Variants in SIX1 observed in about 807,000 individuals in gnomAD.
SIX1 encodes homeobox protein SIX1.
In SIX1, 11 loss-of-function variants were observed where a neutral mutation model predicts 26.5. The observed-to-expected ratio is 0.41, with a 90% CI of 0.26 to 0.69. The LOEUF is 0.69. Ranked by LOEUF, SIX1 falls within the 30% of genes least tolerant of loss-of-function variation. SIX1 has a pLI of 0.28. For synonymous variants in SIX1, 177 were observed against 166.2 expected, an observed-to-expected ratio of 1.06 and a Z score of -0.50; for missense variants, 333 against 365.9, an observed-to-expected ratio of 0.91 and a Z score of 0.73.
chr14:60,645,742 A>G lies in SIX1; in HGVS notation c.*541T>C, dbSNP rs1389247170. On this transcript the variant is annotated 3_prime_UTR_variant, in exon 2 of 2. Transcript: ENST00000645694. This position sits in a 1 kb window ranked among gnomAD's most constrained non-coding sequence, Gnocchi z 4.6. ...TAAACTTAATTTTTCCTCATCAAAG[A>G]AAGTTATAGATTGTATTTTTCCTGT... 2 of 152,160 alleles carry G rather than the reference A, an allele frequency of 1.3e-5. No homozygotes were observed. Among genetic ancestry groups the G allele is most frequent in the Non-Finnish European group, 2.9e-5 (2 of 68,062 alleles). The allele number at this position is 152,160 out of a possible 1,614,324, so 9.4% of individuals were successfully genotyped here. A position where few individuals can be genotyped will look rare whatever the true frequency, so the allele number is the denominator to read the frequency against.
rs1425205566 is a variant in SIX1, at chr14:60,644,956, AT to A, written c.*1326del. On this transcript the variant is annotated 3_prime_UTR_variant, in exon 2 of 2. Coordinates refer to ENST00000645694, the MANE Select transcript of SIX1 (RefSeq NM_005982.4). ...TTTTTTGTCTTCAAGCAGATAAATT[AT>A]TTTTACTTTCACAGTCTTGTCATAA... The A allele has an allele frequency of 6.6e-6, 1 of 152,204 alleles. No homozygotes were observed. Among genetic ancestry groups the A allele is most frequent in the Non-Finnish European group, 1.5e-5 (1 of 68,028 alleles). The allele number at this position is 152,204 out of a possible 1,614,324, so 9.4% of individuals were successfully genotyped here.
Position 60,645,185 on chromosome 14 carries a change from A to G in SIX1, c.*1098T>C, listed in dbSNP as rs1261265515. Reference sequence around the variant, plus strand: ...CTGCAATTCACAGCCACCATTAAGTAAGAAAGAAAAATATATTTAAAAAAA... The same window carrying G: ...CTGCAATTCACAGCCACCATTAAGTGAGAAAGAAAAATATATTTAAAAAAA... On this transcript the variant is annotated 3_prime_UTR_variant, in exon 2 of 2. Transcript: ENST00000645694. This position sits in a 1 kb window ranked among gnomAD's most constrained non-coding sequence, Gnocchi z 4.6. 2 of 152,084 alleles carry G rather than the reference A, an allele frequency of 1.3e-5. No individual in the cohort carries two copies. The highest frequency in any genetic ancestry group is 2.9e-5 in the Non-Finnish European group (2 of 68,012). The allele number at this position is 152,084 out of a possible 1,614,324, so 9.4% of individuals were successfully genotyped here.
chr14:60,648,965 G>T lies in SIX1; in HGVS notation c.225C>A (p.Phe75Leu). The T allele has an allele frequency of 6.2e-7, 1 of 1,614,214 alleles. No individual in the cohort carries two copies. The highest frequency in any genetic ancestry group is 8.5e-7 in the Non-Finnish European group (1 of 1,180,026). ...GCAGTTTGGGGTGGTTGTGAGGCGA[G>T]AACTGGTGGCTCTCCAGGATCTTGT... ...ELYKILESHQ[F>L]SPHNHPKLQQ... The change falls in exon 1 of 2, where the codon TTC becomes TTA. Residue 75 changes from phenylalanine to leucine, a missense_variant. Physicochemically the swap from Phe to Leu is conservative, Grantham distance 22. Around this residue, in one of 3 missense-constraint regions of SIX1, gnomAD observed 133 missense variants for 131.8 expected, o/e 1.01. Coordinates refer to ENST00000645694, the MANE Select transcript of SIX1 (RefSeq NM_005982.4). The surrounding 1 kb of genome is among the most constrained non-coding windows in gnomAD (Gnocchi z 7.9).
chr14:60,648,974 G>T lies in SIX1; in HGVS notation c.216C>A (p.Ser72Arg), dbSNP rs778653697. 2.5e-6 allele frequency: 4 copies of T among 1,614,204 alleles called. No individual in the cohort carries two copies. In the Admixed American group the frequency reaches 6.7e-5, roughly 27 times the overall value. ...NFRELYKILE[S>R]HQFSPHNHPK... is the part of the protein sequence containing the mutation. The stretch of plus-strand genomic sequence containing the variant: ...GGTGGTTGTGAGGCGAGAACTGGTG[G>T]CTCTCCAGGATCTTGTAGAGCTCAC... Residue 72 changes from serine (S) to arginine (R), a missense_variant, in exon 1 of 2, where the codon AGC becomes AGA. Physicochemically the swap from Ser to Arg is moderately radical, Grantham distance 110 (BLOSUM62 -1). Around this residue, in one of 3 missense-constraint regions of SIX1, gnomAD observed 133 missense variants for 131.8 expected, o/e 1.01. Coordinates refer to ENST00000645694, the MANE Select transcript of SIX1 (RefSeq NM_005982.4). The surrounding 1 kb of genome is among the most constrained non-coding windows in gnomAD (Gnocchi z 7.9).
Position 60,647,792 on chromosome 14 carries a change from G to A in SIX1, c.560+838C>T, listed in dbSNP as rs892694248. On this transcript the variant is annotated intron_variant, in intron 1 of 1. Coordinates refer to ENST00000645694, the MANE Select transcript of SIX1 (RefSeq NM_005982.4). The surrounding 1 kb of genome is among the most constrained non-coding windows in gnomAD (Gnocchi z 5.1). ...GAATCTCTGTCCGAAACGCTATAGA[G>A]AACAGAAGGAGCCTGCCCAGGTGGC... 3.9e-5 allele frequency among the ~76,000 whole-genome samples: 6 copies of A among 152,244 alleles called. No homozygotes were observed. Among genetic ancestry groups the A allele is most frequent in the African/African-American group, 1.4e-4 (6 of 41,470 alleles).
chr14:60,648,594 T>C lies in SIX1; in HGVS notation c.560+36A>G. The C allele has an allele frequency of 1.3e-6, 2 of 1,577,568 alleles. No individual in the cohort carries two copies. Among genetic ancestry groups the C allele is most frequent in the Non-Finnish European group, 1.7e-6 (2 of 1,160,440 alleles). ...GGGCGGAGGAGAAAGGACGGCTTCC[T>C]AGGGTCGCCCGAGTCGCGGGAAGCA... On this transcript the variant is annotated intron_variant, in intron 1 of 1. Coordinates refer to ENST00000645694, the MANE Select transcript of SIX1 (RefSeq NM_005982.4). The surrounding 1 kb of genome is among the most constrained non-coding windows in gnomAD (Gnocchi z 7.9).
At position 60,648,561 on chromosome 14, in the gene SIX1, G is replaced by A; in HGVS notation, c.560+69C>T. The stretch of plus-strand genomic sequence containing the variant: ...GACTTGGTGGCTGGTGCCTGCGGGG[G>A]CGGGAGGGGGCGGAGGAGAAAGGAC... On this transcript the variant is annotated intron_variant, in intron 1 of 1. Transcript: ENST00000645694. The surrounding 1 kb of genome is among the most constrained non-coding windows in gnomAD (Gnocchi z 7.9). 7 of 1,469,522 alleles carry A rather than the reference G, an allele frequency of 4.8e-6. No individual in the cohort carries two copies. The highest frequency in any genetic ancestry group is 1.2e-5 in the South Asian group (1 of 82,378). 91.0% of individuals were successfully genotyped at this position (1,469,522 alleles called of 1,614,324 possible).
chr14:60,648,924 T>C lies in SIX1; in HGVS notation c.266A>G (p.Lys89Arg). Reference protein sequence around the residue: ...NHPKLQQLWLKAHYVEAEKLR... With the variant: ...NHPKLQQLWLRAHYVEAEKLR... ...CTTCTCGGCCTCCACGTAATGCGCC[T>C]TCAGCCACAGTTGCTGCAGTTTGGG... Residue 89 changes from lysine (K) to arginine (R), a missense_variant, in exon 1 of 2, where the codon AAG becomes AGG. This residue lies in a region of SIX1 where 133 missense variants were observed against 131.8 expected (regional missense o/e 1.01). Transcript: ENST00000645694. The surrounding 1 kb of genome is among the most constrained non-coding windows in gnomAD (Gnocchi z 7.9). 1 of 1,614,218 alleles carries C rather than the reference T, an allele frequency of 6.2e-7. No individual in the cohort carries two copies. Among genetic ancestry groups the C allele is most frequent in the African/African-American group, 1.3e-5 (1 of 75,068 alleles).
chr14:60,646,607 T>TAAAAAAAAAAAAAAAAAAAAAAAAAAGAA, intron 1 of SIX1, 30 bp from the exon 2 acceptor site: 1 of 831,216 alleles, frequency 1.2e-6, no homozygotes. Context: ...ACCATATGGT[T>TAAAAAAAAAAAAAAAAAAAAAAAAAAGAA]AAAAAAAAAA....
In SIX1 at chr14:60,646,499, C is replaced by T; in HGVS notation, c.639G>A (p.Met213Ile). 6.2e-7 allele frequency: 1 copy of T among 1,613,050 alleles called. No homozygotes were observed. Among genetic ancestry groups the T allele is most frequent in the Non-Finnish European group, 8.5e-7 (1 of 1,179,930 alleles). Residue 213 changes from methionine (M) to isoleucine (I), a missense_variant, in exon 2 of 2, where the codon ATG becomes ATA. Transcript: ENST00000645694. The stretch of plus-strand genomic sequence containing the variant: ...GTGAGAATTCCTCTTCTGAGCTGGA[C>T]ATGAGCGGCTTGCCCCCTTCCAGAG... Reference protein sequence around the residue: ...LSPLEGGKPLMSSSEEEFSPP... With the variant: ...LSPLEGGKPLISSSEEEFSPP...
Position 60,646,203 on chromosome 14 carries a change from G to T in SIX1, c.*80C>A. Reference sequence around the variant, plus strand: ...AGAAACAAGCTGCAAAAATGTTCCTGATTTCTATTTACAAGTGTCCCTAGT... The same window carrying T: ...AGAAACAAGCTGCAAAAATGTTCCTTATTTCTATTTACAAGTGTCCCTAGT... On this transcript the variant is annotated 3_prime_UTR_variant, in exon 2 of 2. Coordinates refer to ENST00000645694, the MANE Select transcript of SIX1 (RefSeq NM_005982.4). 1 of 1,373,314 alleles carries T rather than the reference G, an allele frequency of 7.3e-7. No individual in the cohort carries two copies. Among genetic ancestry groups the T allele is most frequent in the Non-Finnish European group, 1.0e-6 (1 of 999,076 alleles). The allele number at this position is 1,373,314 out of a possible 1,614,324, so 85.1% of individuals were successfully genotyped here. A position where few individuals can be genotyped will look rare whatever the true frequency, so the allele number is the denominator to read the frequency against.
chr14:60,648,519 C>CT lies in SIX1; in HGVS notation c.560+110dup. The stretch of plus-strand genomic sequence containing the variant: ...GCCTGCGCGCCGCCCCGTGGACGGG[C>CT]TCCGGCCGGCGGGGAGGACTTGGTG... On this transcript the variant is annotated intron_variant, in intron 1 of 1. Transcript: ENST00000645694. This position sits in a 1 kb window ranked among gnomAD's most constrained non-coding sequence, Gnocchi z 7.9. The CT allele has an allele frequency of 1.8e-6, 2 of 1,117,438 alleles. No homozygotes were observed. Among genetic ancestry groups the CT allele is most frequent in the Non-Finnish European group, 1.3e-6 (1 of 774,796 alleles). 69.2% of individuals were successfully genotyped at this position (1,117,438 alleles called of 1,614,324 possible).
chr14:60,649,305 G>A lies in SIX1; in HGVS notation c.-116C>T. The A allele has an allele frequency of 1.1e-6, 1 of 904,994 alleles. No individual in the cohort carries two copies. The highest frequency in any genetic ancestry group is 1.7e-6 in the Non-Finnish European group (1 of 602,192). 56.1% of individuals were successfully genotyped at this position (904,994 alleles called of 1,614,324 possible). ...CGGCTGTTCCTAACCTCCTCCTTAGGCTTTGCAAAGGCGAAAACCGGAGTC... is the reference window on the plus strand; with the variant it reads ...CGGCTGTTCCTAACCTCCTCCTTAGACTTTGCAAAGGCGAAAACCGGAGTC... On this transcript the variant is annotated 5_prime_UTR_variant, in exon 1 of 2. Transcript: ENST00000645694. This position sits in a 1 kb window ranked among gnomAD's most constrained non-coding sequence, Gnocchi z 5.1.
chr14:60,648,814 C>G lies in SIX1; in HGVS notation c.376G>C (p.Glu126Gln). 1 of 1,614,246 alleles carries G rather than the reference C, an allele frequency of 6.2e-7. No homozygotes were observed. The highest frequency in any genetic ancestry group is 8.5e-7 in the Non-Finnish European group (1 of 1,180,040). ...PLPRTIWDGE[E>Q]TSYCFKEKSR... The stretch of plus-strand genomic sequence containing the variant: ...TTCTCCTTGAAGCAGTAGCTGGTCT[C>G]CTCGCCGTCCCAGATGGTGCGCGGC... The change falls in exon 1 of 2, where the codon GAG (glutamate) becomes CAG (glutamine). Residue 126 changes from glutamate (E) to glutamine (Q), a missense_variant. Transcript: ENST00000645694. The surrounding 1 kb of genome is among the most constrained non-coding windows in gnomAD (Gnocchi z 7.9).
rs770614201 is a variant in SIX1 at position 60,648,851 on chromosome 14, T to G, written c.339A>C (p.Arg113=). The part of the protein sequence containing the change: ...LGAVGKYRVR[R]KFPLPRTIWD... ...AGATGGTGCGCGGCAGTGGAAATTT[T>G]CGGCGCACCCGATATTTGCCCACGG... The change falls in exon 1 of 2, where the codon CGA becomes CGC. Residue 113 remains arginine, a synonymous_variant. Coordinates refer to ENST00000645694, the MANE Select transcript of SIX1 (RefSeq NM_005982.4). The surrounding 1 kb of genome is among the most constrained non-coding windows in gnomAD (Gnocchi z 7.9). The G allele has an allele frequency of 5.0e-6, 8 of 1,614,102 alleles. No homozygotes were observed. Among genetic ancestry groups the G allele is most frequent in the Non-Finnish European group, 6.8e-6 (8 of 1,180,054 alleles).
Position 60,648,727 on chromosome 14 carries a change from G to A in SIX1, c.463C>T (p.Arg155Trp), listed in dbSNP as rs775911579. 2 of 1,613,500 alleles carry A rather than the reference G, an allele frequency of 1.2e-6. No homozygotes were observed. Among genetic ancestry groups the A allele is most frequent in the South Asian group, 2.2e-5 (2 of 91,068 alleles). The change falls in exon 1 of 2, where the codon CGG (arginine) becomes TGG (tryptophan). Residue 155 changes from arginine (R) to tryptophan (W), a missense_variant. By Grantham distance (101) the Arg-to-Trp change is moderately radical (BLOSUM62 -3). Transcript: ENST00000645694. The surrounding 1 kb of genome is among the most constrained non-coding windows in gnomAD (Gnocchi z 7.9). Reference sequence around the variant, plus strand: ...AGGCCGGTGGCCTCGGCCAGCTCCCGCTTCTCACGCGGCGATGGGTAGGGA... The same window carrying A: ...AGGCCGGTGGCCTCGGCCAGCTCCCACTTCTCACGCGGCGATGGGTAGGGA... ...HNPYPSPREKRELAEATGLTT... is the reference protein window; with the variant it reads ...HNPYPSPREKWELAEATGLTT...
At chr14:60,646,722 C>T (rs1214719526) in intron 1 of SIX1, 145 bp from the exon 2 acceptor site, 3 of 726,096 alleles carry the variant, frequency 4.1e-6, no homozygotes, top group African/African-American at 3.6e-5. Context: ...AATGGAGGAG[C>T]TCTACCCTTC....
rs987001049 is a variant in SIX1, at chr14:60,647,930, T to C, written c.560+700A>G. On this transcript the variant is annotated intron_variant, in intron 1 of 1. Transcript: ENST00000645694. The surrounding 1 kb of genome is among the most constrained non-coding windows in gnomAD (Gnocchi z 5.1). ...TGGAGACCCTTTCCTCGTCTGGGCATGCGGCGCGGTCAGCCAGACCGACGG... is the reference window on the plus strand; with the variant it reads ...TGGAGACCCTTTCCTCGTCTGGGCACGCGGCGCGGTCAGCCAGACCGACGG... 6.6e-6 allele frequency among the ~76,000 whole-genome samples: 1 copy of C among 152,198 alleles called. No homozygotes were observed. The highest frequency in any genetic ancestry group is 2.4e-5 in the African/African-American group (1 of 41,442).
Position 60,649,177 on chromosome 14 carries a change from G to T in SIX1, c.13C>A (p.Pro5Thr). The T allele has an allele frequency of 6.2e-7, 1 of 1,608,996 alleles. No individual in the cohort carries two copies. ...TGCTCCTGCGTAAAGCCAAACGACG[G>T]CAGCATCGACATGGCTGGGGCCTGC... MSML[P>T]SFGFTQEQVA... The change falls in exon 1 of 2, where the codon CCG (proline) becomes ACG (threonine). Residue 5 changes from proline to threonine, a missense_variant. Around this residue, in one of 3 missense-constraint regions of SIX1, gnomAD observed 133 missense variants for 131.8 expected, o/e 1.01. Coordinates refer to ENST00000645694, the MANE Select transcript of SIX1 (RefSeq NM_005982.4). This position sits in a 1 kb window ranked among gnomAD's most constrained non-coding sequence, Gnocchi z 5.1.
Sources: gnomAD v4.1 joint callset for allele counts (sites outside exome capture counted in the v4.1 genomes callset) on GRCh38, gnomAD v4.1.1 for gene constraint, gnomAD v4.1.1 regional missense constraint, Gnocchi (gnomAD v3.1) non-coding constraint, MANE v1.5 for transcripts, NCBI Gene and HGNC (gene_info 2026-07-23, HGNC 2026-07-21) for gene names.